The following NOL4L variants were observed in gnomAD, a reference collection of about 807,000 sequenced individuals.
NOL4L encodes the protein nucleolar protein 4 like, also known as nucleolar protein 4-like.
In NOL4L, 7 loss-of-function variants were observed where a neutral mutation model predicts 64.5. The ratio of observed to expected loss-of-function variants is 0.11; its 90% CI spans 0.06 to 0.20. The LOEUF is 0.20. Ranked by LOEUF, NOL4L falls within the 10% of genes least tolerant of loss-of-function variation. The pLI, the probability that NOL4L is intolerant of heterozygous loss-of-function variation, is 1.00. For missense variants in NOL4L, 680 were observed against 967.1 expected (o/e 0.70, Z 3.94); for synonymous variants, 413 against 401.0 (o/e 1.03, Z -0.36).
intron 3 of NOL4L, among the ~76,000 whole-genome samples, chr20:32,520,605 G>GT (rs2017893580): frequency 6.6e-6 from 1 of 152,180 alleles, no homozygotes. Flanking sequence ...TGTATGGTTG[G>GT]TTTTTAAGTG....
At position 32,463,834 on chromosome 20, in the gene NOL4L, C is replaced by T. The variant is rs976039189; in HGVS notation, c.842-7439G>A. On this transcript the variant is annotated intron_variant, in intron 5 of 10. Transcript: ENST00000621426. This position sits in a 1 kb window ranked among gnomAD's most constrained non-coding sequence, Gnocchi z 5.8. ...GCCAGTGGCACCCTCTCCCGGTGGG[C>T]GACTCCCACCAGCTCCCAGGCTAGG... Among the ~76,000 whole-genome samples, 15 of 152,260 alleles carry T rather than the reference C, an allele frequency of 9.9e-5. No individual in the cohort carries two copies. In the South Asian group the frequency reaches 2.9e-3, roughly 30 times the overall value.
intron 3 of NOL4L, among the ~76,000 whole-genome samples, chr20:32,514,414 C>T (rs2017553265): frequency 6.6e-6 from 1 of 152,050 alleles, no homozygotes; most frequent in African/African-American, 2.4e-5. Context: ...ATCACTGGAA[C>T]CCGGGAGGTG....
intron 6 of NOL4L, among the ~76,000 whole-genome samples, chr20:32,454,571 C>T (rs2013287232): frequency 6.6e-6 from 1 of 152,266 alleles, no homozygotes; most frequent in Admixed American, 6.5e-5. Flanking sequence ...TCCATCTTCT[C>T]ATCCTTCATG....
chr20:32,460,594 A>T lies in NOL4L; in HGVS notation c.842-4199T>A, dbSNP rs1219538964. Among the ~76,000 whole-genome samples, 2 of 152,202 alleles carry T rather than the reference A, an allele frequency of 1.3e-5. No individual in the cohort carries two copies. Among genetic ancestry groups the T allele is most frequent in the Non-Finnish European group, 2.9e-5 (2 of 68,036 alleles). On this transcript the variant is annotated intron_variant, in intron 5 of 10. Transcript: ENST00000621426. The surrounding 1 kb of genome is among the most constrained non-coding windows in gnomAD (Gnocchi z 5.7). Reference sequence around the variant, plus strand: ...CGTAAAACACGGTTCTAAGGTGAGGATGGTGCCCGAGATGGGGCAGGAGCT... The same window carrying T: ...CGTAAAACACGGTTCTAAGGTGAGGTTGGTGCCCGAGATGGGGCAGGAGCT...
chr20:32,511,845 T>C (rs181021554), intron 3 of NOL4L, among the ~76,000 whole-genome samples: 1 of 151,984 alleles, frequency 6.6e-6, no homozygotes, highest in Non-Finnish European at 1.5e-5. Flanking sequence ...TCTTTACAAA[T>C]AATAAAATAA....
intron 1 of NOL4L, among the ~76,000 whole-genome samples, chr20:32,572,667 C>A (rs1444890151): frequency 6.6e-6 from 1 of 152,164 alleles, no homozygotes; most frequent in Non-Finnish European, 1.5e-5. Flanking sequence ...TTCCCACCAC[C>A]TTTGGCTTGG....
chr20:32,552,294 G>A (rs146262500), intron 1 of NOL4L, among the ~76,000 whole-genome samples: 1 of 152,146 alleles, frequency 6.6e-6, no homozygotes, highest in East Asian at 1.9e-4. Context: ...CAGTGATTTC[G>A]CCCGGGGAGA....
chr20:32,477,309 C>T (rs994728608), intron 4 of NOL4L, among the ~76,000 whole-genome samples: 6 of 152,292 alleles, frequency 3.9e-5, no homozygotes, highest in South Asian at 2.1e-4. Context: ...TTAAGGTGCT[C>T]GCCCAAGGTC....
At chr20:32,509,988 A>C (rs1302931008) in intron 4 of NOL4L, 1 of 1,274,736 alleles carries the variant, frequency 7.8e-7, no homozygotes, top group Non-Finnish European at 1.0e-6. Context: ...CAGTGAGAGG[A>C]GACCTAATGC....
intron 1 of NOL4L, among the ~76,000 whole-genome samples, chr20:32,565,858 C>T (rs958756997): frequency 6.6e-5 from 10 of 151,692 alleles, no homozygotes; most frequent in Non-Finnish European, 1.2e-4. Flanking sequence ...GGCAAGACCC[C>T]GTCTCTAAAA....
In NOL4L at chr20:32,527,794, G is replaced by T; in HGVS notation, c.441C>A (p.Ala147=). 6.5e-7 allele frequency: 1 copy of T among 1,550,302 alleles called. No individual in the cohort carries two copies. Among genetic ancestry groups the T allele is most frequent in the Non-Finnish European group, 8.7e-7 (1 of 1,146,798 alleles). Residue 147 remains alanine, a synonymous_variant, in exon 2 of 11, where the codon GCC becomes GCA. Coordinates refer to ENST00000621426, the MANE Select transcript of NOL4L (RefSeq NM_001256798.2). ...TTTTCTTCTGCCCAGCGTGCTTGGGGGCTTTGCCTGGCTCCGCTGAGCTCT... is the reference window on the plus strand; with the variant it reads ...TTTTCTTCTGCCCAGCGTGCTTGGGTGCTTTGCCTGGCTCCGCTGAGCTCT... ...HVESSAEPGK[A]PKHAGQKKTY...
intron 3 of NOL4L, among the ~76,000 whole-genome samples, chr20:32,513,319 A>G (rs1325870779): frequency 1.3e-5 from 2 of 152,218 alleles, no homozygotes; most frequent in East Asian, 3.8e-4. Context: ...TGCAACCTTG[A>G]AAACGCGATA....
Position 32,527,795 on chromosome 20 carries a change from G to A in NOL4L, c.440C>T (p.Ala147Val). 3 of 1,550,340 alleles carry A rather than the reference G, an allele frequency of 1.9e-6. No individual in the cohort carries two copies. The highest frequency in any genetic ancestry group is 2.6e-6 in the Non-Finnish European group (3 of 1,146,804). ...TTTCTTCTGCCCAGCGTGCTTGGGG[G>A]CTTTGCCTGGCTCCGCTGAGCTCTC... Reference protein sequence around the residue: ...HVESSAEPGKAPKHAGQKKTY... With the variant: ...HVESSAEPGKVPKHAGQKKTY... Residue 147 changes from alanine (A) to valine (V), a missense_variant, in exon 2 of 11, where the codon GCC becomes GTC. Transcript: ENST00000621426.
At position 32,463,404 on chromosome 20, in the gene NOL4L, C is replaced by T. The variant is rs2014264849; in HGVS notation, c.842-7009G>A. 6.6e-6 allele frequency among the ~76,000 whole-genome samples: 1 copy of T among 152,222 alleles called. No individual in the cohort carries two copies. Among genetic ancestry groups the T allele is most frequent in the Non-Finnish European group, 1.5e-5 (1 of 68,036 alleles). On this transcript the variant is annotated intron_variant, in intron 5 of 10. Coordinates refer to ENST00000621426, the MANE Select transcript of NOL4L (RefSeq NM_001256798.2). This position sits in a 1 kb window ranked among gnomAD's most constrained non-coding sequence, Gnocchi z 5.8. The stretch of plus-strand genomic sequence containing the variant: ...GGGTGGGCCTGCCCCCAGCCCATGG[C>T]TGCGTGGGCAGCAGAGACATGTCCT...
intron 1 of NOL4L, among the ~76,000 whole-genome samples, chr20:32,560,011 G>A (rs1290479748): frequency 1.3e-5 from 2 of 152,248 alleles, no homozygotes; most frequent in African/African-American, 4.8e-5. Flanking sequence ...TGGCACTCGG[G>A]CTGCCTTCTT....
chr20:32,511,362 C>T lies in NOL4L; in HGVS notation c.684G>A (p.Met228Ile), dbSNP rs1471167600. 6 of 1,549,930 alleles carry T rather than the reference C, an allele frequency of 3.9e-6. No homozygotes were observed. Among genetic ancestry groups the T allele is most frequent in the Non-Finnish European group, 5.2e-6 (6 of 1,146,490 alleles). Residue 228 changes from methionine to isoleucine, a missense_variant, in exon 4 of 11, where the codon ATG (methionine) becomes ATA (isoleucine). Transcript: ENST00000621426. The stretch of plus-strand genomic sequence containing the variant: ...GCCGCCTTACCTGCTCCTGGGAATT[C>T]ATCACTCGAAGCTTCATCTGCTTCA... ...TYLKQMKLRV[M>I]NSQEQDETSV...
In NOL4L at chr20:32,456,153, T is replaced by C. The variant is rs1257056136; in HGVS notation, c.1084A>G (p.Ser362Gly). Reference sequence around the variant, plus strand: ...GTCTTCACCCCGTATTTGACGCGGCTCCGCAGCCCGTCGGCACCGCAGCCA... The same window carrying C: ...GTCTTCACCCCGTATTTGACGCGGCCCCGCAGCCCGTCGGCACCGCAGCCA... Reference protein sequence around the residue: ...SDGCGADGLRSRVKYGVKTTP... With the variant: ...SDGCGADGLRGRVKYGVKTTP... Residue 362 changes from serine (S) to glycine (G), a missense_variant, in exon 6 of 11, where the codon AGC (serine) becomes GGC (glycine). Ser to Gly is a moderately conservative substitution (Grantham distance 56). Around this residue, in one of 4 missense-constraint regions of NOL4L, gnomAD observed 254 missense variants for 238.7 expected, o/e 1.06. Transcript: ENST00000621426. 6.4e-7 allele frequency: 1 copy of C among 1,565,954 alleles called. No individual in the cohort carries two copies. Among genetic ancestry groups the C allele is most frequent in the Non-Finnish European group, 8.7e-7 (1 of 1,154,174 alleles).
intron 1 of NOL4L, among the ~76,000 whole-genome samples, chr20:32,528,598 A>T (rs1005839183): frequency 3.3e-5 from 5 of 152,102 alleles, no homozygotes; most frequent in Non-Finnish European, 5.9e-5. Flanking sequence ...TGGCCCGACT[A>T]GGTGTGCCAG....
intron 1 of NOL4L, among the ~76,000 whole-genome samples, chr20:32,571,454 A>G (rs1361157832): frequency 6.6e-6 from 1 of 152,116 alleles, no homozygotes; most frequent in East Asian, 1.9e-4. Flanking sequence ...TGATCCACTC[A>G]CCTCGGCCTC....
Sources: gnomAD v4.1 joint callset for allele counts (sites outside exome capture counted in the v4.1 genomes callset) on GRCh38, gnomAD v4.1.1 for gene constraint, gnomAD v4.1.1 regional missense constraint, Gnocchi (gnomAD v3.1) non-coding constraint, MANE v1.5 for transcripts, NCBI Gene and HGNC (gene_info 2026-07-23, HGNC 2026-07-21) for gene names.